PCDH9: variants seen among roughly 807,000 people sequenced by gnomAD.
PCDH9 encodes the protein protocadherin 9.
PCDH9 carries 24 observed loss-of-function variants against 70.6 expected under a neutral mutation model. That is an observed-to-expected ratio of 0.34 (90% CI 0.25 to 0.48). The LOEUF is 0.48. Ranked by LOEUF, PCDH9 falls within the 20% of genes least tolerant of loss-of-function variation. The pLI is 0.99. For missense variants in PCDH9, 1,281 were observed against 1,503.6 expected (o/e 0.85, Z 2.45); for synonymous variants, 562 against 558.5 (o/e 1.01, Z -0.09).
At chr13:66,807,114 G>C (rs1294423963) in intron 3 of PCDH9, among the ~76,000 whole-genome samples, 1 of 152,078 alleles carries the variant, frequency 6.6e-6, no homozygotes, top group Admixed American at 6.6e-5. Flanking sequence ...TTTACAGAAT[G>C]AAATTAGACA....
chr13:66,345,043 T>C (rs931267976), intron 4 of PCDH9, among the ~76,000 whole-genome samples: 6 of 152,200 alleles, frequency 3.9e-5, no homozygotes, highest in African/African-American at 1.2e-4. Flanking sequence ...TCTTTCTTAT[T>C]GTACTATAAC....
intron 2 of PCDH9, among the ~76,000 whole-genome samples, chr13:66,923,344 TA>T (rs2082667203): frequency 6.6e-6 from 1 of 151,646 alleles, no homozygotes; most frequent in African/African-American, 2.4e-5. Context: ...CTTCTAGTTG[TA>T]TACATAATTA....
At chr13:66,319,389 C>T (rs920545988) in intron 4 of PCDH9, among the ~76,000 whole-genome samples, 5 of 151,960 alleles carry the variant, frequency 3.3e-5, no homozygotes, top group Non-Finnish European at 7.4e-5. Context: ...AGCGCAATGG[C>T]AGATGAATTT....
At chr13:66,433,791 T>C (rs1230878424) in intron 4 of PCDH9, among the ~76,000 whole-genome samples, 1 of 151,906 alleles carries the variant, frequency 6.6e-6, no homozygotes, top group Non-Finnish European at 1.5e-5. Flanking sequence ...GCATATACTC[T>C]CATATTAGGA....
chr13:67,022,545 T>G (rs2084699253), intron 2 of PCDH9, among the ~76,000 whole-genome samples: 1 of 152,250 alleles, frequency 6.6e-6, no homozygotes, highest in Admixed American at 6.5e-5. Flanking sequence ...CTTTTCCTTT[T>G]AGCCAGGAAC....
Position 67,184,431 on chromosome 13 carries a change from A to C in PCDH9, c.3036+40974T>G, listed in dbSNP as rs573908731. Among the ~76,000 whole-genome samples the C allele has an allele frequency of 4.6e-5, 7 of 152,184 alleles. No homozygotes were observed. In the South Asian group the frequency reaches 1.5e-3, roughly 32 times the overall value. On this transcript the variant is annotated intron_variant, in intron 2 of 4. Coordinates refer to ENST00000377865, the MANE Select transcript of PCDH9 (RefSeq NM_203487.3). The stretch of plus-strand genomic sequence containing the variant: ...GTGAATTTATGGAGGTACAGGTTTC[A>C]AAAACTAAGGGTAGGGCCCAGGCAT...
chr13:66,804,862 G>C lies in PCDH9; in HGVS notation c.3138+98642C>G, dbSNP rs78443965. On this transcript the variant is annotated intron_variant, in intron 3 of 4. Transcript: ENST00000377865. The stretch of plus-strand genomic sequence containing the variant: ...TATATAATTCTTTAATTTCAAACAC[G>C]TTTGAGAGTGAAAGGGAGTGTTATT... 3.4e-3 allele frequency among the ~76,000 whole-genome samples: 516 copies of C among 152,072 alleles called. 2 individuals carry two copies. The highest frequency in any genetic ancestry group is 0.011 in the African/African-American group (450 of 41,490).
chr13:66,995,020 G>A (rs1055140191), intron 2 of PCDH9, among the ~76,000 whole-genome samples: 1 of 152,128 alleles, frequency 6.6e-6, no homozygotes, highest in Non-Finnish European at 1.5e-5. Flanking sequence ...GGACATCAGC[G>A]GCCTTGTCAC....
chr13:66,771,228 G>T (rs2079801746), intron 3 of PCDH9, among the ~76,000 whole-genome samples: 1 of 152,144 alleles, frequency 6.6e-6, no homozygotes. Flanking sequence ...GACCATAGGT[G>T]TGCACCATTG....
intron 3 of PCDH9, among the ~76,000 whole-genome samples, chr13:66,662,195 G>A (rs543874815): frequency 3.3e-5 from 5 of 152,002 alleles, no homozygotes; most frequent in Admixed American, 2.0e-4. Context: ...ACATAAGGCC[G>A]GGCGTGGTGG....
intron 2 of PCDH9, among the ~76,000 whole-genome samples, chr13:67,071,972 C>T (rs1187175207): frequency 2.0e-5 from 3 of 150,358 alleles, no homozygotes; most frequent in African/African-American, 7.3e-5. Context: ...GAAAAAAATA[C>T]CAAAGTTACA....
rs149003686 is a variant in PCDH9 at position 66,604,422 on chromosome 13, G to T, written c.3340+26788C>A. On this transcript the variant is annotated intron_variant, in intron 4 of 4. Coordinates refer to ENST00000377865, the MANE Select transcript of PCDH9 (RefSeq NM_203487.3). ...TTCATCAATTCATTCTGAGGATGAG[G>T]CAAATAATTACTTTTATTCAAACTA... 3.5e-4 allele frequency among the ~76,000 whole-genome samples: 54 copies of T among 152,138 alleles called. 1 individual carries two copies. Among genetic ancestry groups the T allele is most frequent in the African/African-American group, 1.2e-3 (48 of 41,528 alleles).
At chr13:66,584,606 T>A (rs1418055872) in intron 4 of PCDH9, among the ~76,000 whole-genome samples, 1 of 152,188 alleles carries the variant, frequency 6.6e-6, no homozygotes, top group African/African-American at 2.4e-5. Context: ...CAAATATATA[T>A]TTTTCTAGAT....
At chr13:66,547,441 T>C (rs1384470871) in intron 4 of PCDH9, among the ~76,000 whole-genome samples, 2 of 152,188 alleles carry the variant, frequency 1.3e-5, no homozygotes, top group African/African-American at 4.8e-5. Flanking sequence ...ATTGACTTTC[T>C]AGTAACCATT....
rs780783526 is a variant in PCDH9 at position 66,924,936 on chromosome 13, C to T, written c.3037-21331G>A. On this transcript the variant is annotated intron_variant, in intron 2 of 4. Coordinates refer to ENST00000377865, the MANE Select transcript of PCDH9 (RefSeq NM_203487.3). ...ATAAGCCCTTAATACTTTTCAATACCGACAAAGTACGATGAATGTATAAAT... is the reference window on the plus strand; with the variant it reads ...ATAAGCCCTTAATACTTTTCAATACTGACAAAGTACGATGAATGTATAAAT... 9.2e-4 allele frequency among the ~76,000 whole-genome samples: 139 copies of T among 151,512 alleles called. No individual in the cohort carries two copies. The Middle Eastern group carries it at 0.024, about 26-fold the overall frequency.
chr13:66,337,935 C>T (rs1458076582), intron 4 of PCDH9, among the ~76,000 whole-genome samples: 1 of 152,020 alleles, frequency 6.6e-6, no homozygotes, highest in African/African-American at 2.4e-5. Flanking sequence ...ATAACATACA[C>T]TACAATGAGG....
intron 3 of PCDH9, among the ~76,000 whole-genome samples, chr13:66,901,236 T>C (rs933507065): frequency 6.6e-6 from 1 of 151,812 alleles, no homozygotes; most frequent in Non-Finnish European, 1.5e-5. Context: ...AAATGTATTA[T>C]GATCAAAAAC....
At chr13:66,648,338 A>G (rs2077801182) in intron 3 of PCDH9, among the ~76,000 whole-genome samples, 2 of 152,204 alleles carry the variant, frequency 1.3e-5, no homozygotes, top group Admixed American at 1.3e-4. Context: ...CCCCTCCTCC[A>G]GCACCAGGCA....
At chr13:66,348,266 C>T (rs905640001) in intron 4 of PCDH9, among the ~76,000 whole-genome samples, 1 of 152,158 alleles carries the variant, frequency 6.6e-6, no homozygotes, top group African/African-American at 2.4e-5. Context: ...CCCCCAATCC[C>T]TGCCACCATG....
Sources: gnomAD v4.1 joint callset for allele counts (sites outside exome capture counted in the v4.1 genomes callset) on GRCh38, gnomAD v4.1.1 for gene constraint, MANE v1.5 for transcripts, NCBI Gene and HGNC (gene_info 2026-07-23, HGNC 2026-07-21) for gene names.